Variants in MYH10 observed in about 807,000 individuals in gnomAD.
MYH10 encodes myosin heavy chain 10, also known as myosin-10.
A neutral mutation model predicts 257.8 loss-of-function variants in MYH10; 55 were observed. The observed-to-expected ratio is 0.21, with a 90% CI of 0.17 to 0.27. The LOEUF (loss-of-function observed/expected upper bound fraction) is 0.27. Ranked by LOEUF, MYH10 falls within the 10% of genes least tolerant of loss-of-function variation. The pLI is 1.00. For synonymous variants in MYH10, 854 were observed against 921.7 expected, an observed-to-expected ratio of 0.93 and a Z score of 1.33; for missense variants, 1,631 against 2,500.6, an observed-to-expected ratio of 0.65 and a Z score of 7.42.
At position 8,551,003 on chromosome 17, in the gene MYH10, C is replaced by T. The variant is rs375955178; in HGVS notation, c.919+1043G>A. Among the ~76,000 whole-genome samples the T allele has an allele frequency of 1.8e-4, 27 of 151,282 alleles. No individual in the cohort carries two copies. In the East Asian group the frequency reaches 4.5e-3, roughly 25 times the overall value. ...CAAGTACCCAGGGACACAAACACTG[C>T]GGAAGGCCGCAGGGTCCTCTGCCTA... On this transcript the variant is annotated intron_variant, in intron 9 of 42. Coordinates refer to ENST00000360416, the MANE Select transcript of MYH10 (RefSeq NM_001256012.3).
chr17:8,617,853 T>C lies in MYH10; in HGVS notation c.345+5049A>G, dbSNP rs2085326493. On this transcript the variant is annotated intron_variant, in intron 2 of 42. Transcript: ENST00000360416. ...AGCCTTTTTGCACTCTTAGAAATTA[T>C]TAAGGACCCCAAAGACCTTTTGTTT... Among the ~76,000 whole-genome samples the C allele has an allele frequency of 2.6e-5, 4 of 152,314 alleles. No homozygotes were observed. The South Asian group carries it at 8.3e-4, about 32-fold the overall frequency.
Position 8,535,764 on chromosome 17 carries a change from T to C in MYH10, c.1773A>G (p.Ala591=). The C allele has an allele frequency of 6.2e-7, 1 of 1,613,638 alleles. No homozygotes were observed. Among genetic ancestry groups the C allele is most frequent in the Non-Finnish European group, 8.5e-7 (1 of 1,179,740 alleles). Residue 591 remains alanine, a synonymous_variant, in exon 15 of 43, where the codon GCA becomes GCG. Transcript: ENST00000360416. This position sits in a 1 kb window ranked among gnomAD's most constrained non-coding sequence, Gnocchi z 4.3. ...TCAACATAAGAGCTCTTACCTTCCC[T>C]GCATAATGTATAATGCAAAAATCAG... The part of the protein sequence containing the change: ...DKADFCIIHY[A]GKVDYKADEW...
At chr17:8,486,136 A>G (rs1914722962) in intron 36 of MYH10, among the ~76,000 whole-genome samples, 1 of 152,218 alleles carries the variant, frequency 6.6e-6, no homozygotes, top group East Asian at 1.9e-4. Flanking sequence ...ATTTATAGAG[A>G]CTGAAAGATT....
In MYH10 at chr17:8,479,995, TTA is replaced by T. The variant is rs559461425; in HGVS notation, c.5597+113_5597+114del. 3.7e-4 allele frequency: 355 copies of T among 960,294 alleles called. 3 individuals carry two copies. In the East Asian group the frequency reaches 7.3e-3, roughly 20 times the overall value. The allele number at this position is 960,294 out of a possible 1,614,324, so 59.5% of individuals were successfully genotyped here. On this transcript the variant is annotated intron_variant, in intron 40 of 42. Transcript: ENST00000360416. ...CACCAACTTCTGTGTCCCACTCTGG[TTA>T]TATGTGTTCTCTGCCCACGTGGTGG...
At chr17:8,499,983 A>T (rs1917262921) in intron 29 of MYH10, among the ~76,000 whole-genome samples, 2 of 152,100 alleles carry the variant, frequency 1.3e-5, no homozygotes, top group East Asian at 3.9e-4. Context: ...CAGCTGTGTG[A>T]CCCTGGCTTA....
intron 16 of MYH10, among the ~76,000 whole-genome samples, chr17:8,533,855 GGA>G (rs896757066): frequency 2.2e-4 from 34 of 152,084 alleles, no homozygotes; most frequent in African/African-American, 8.2e-4. Flanking sequence ...CTGAACATGG[GGA>G]GACTTTGTAA....
Position 8,495,196 on chromosome 17 carries a change from T to C in MYH10, c.3997A>G (p.Lys1333Glu). The C allele has an allele frequency of 1.2e-6, 2 of 1,613,622 alleles. No individual in the cohort carries two copies. Among genetic ancestry groups the C allele is most frequent in the Non-Finnish European group, 1.7e-6 (2 of 1,179,604 alleles). ...VSTLLEEAEK[K>E]GIKFAKDAAS... Reference sequence around the variant, plus strand: ...GCATCCTTAGCAAATTTAATACCCTTCTTCTCTGCTTCTTCCAGAAGGGTG... The same window carrying C: ...GCATCCTTAGCAAATTTAATACCCTCCTTCTCTGCTTCTTCCAGAAGGGTG... Residue 1333 changes from lysine to glutamate, a missense_variant, in exon 31 of 43, where the codon AAG (lysine) becomes GAG (glutamate). By Grantham distance (56) the Lys-to-Glu change is moderately conservative. Around this residue, in one of 11 missense-constraint regions of MYH10, gnomAD observed 463 missense variants for 621.8 expected, o/e 0.74. Coordinates refer to ENST00000360416, the MANE Select transcript of MYH10 (RefSeq NM_001256012.3).
chr17:8,581,587 T>C (rs2083707625), intron 4 of MYH10, among the ~76,000 whole-genome samples: 1 of 152,150 alleles, frequency 6.6e-6, no homozygotes. Context: ...CTATAGAAAA[T>C]ATGGCTTCAA....
Position 8,520,969 on chromosome 17 carries a change from C to T in MYH10, c.2182G>A (p.Asp728Asn). ...AGKLDPHLVL[D>N]QLRCNGVLEG... ...AGGACACCGTTACAGCGAAGCTGAT[C>T]TAGGACTAGGTGTGGATCCAATTTT... Residue 728 changes from aspartate to asparagine, a missense_variant, in exon 19 of 43, where the codon GAT becomes AAT. Around this residue, in one of 11 missense-constraint regions of MYH10, gnomAD observed 7 missense variants for 46.7 expected, o/e 0.15. Transcript: ENST00000360416. 6.2e-7 allele frequency: 1 copy of T among 1,613,396 alleles called. No homozygotes were observed. The highest frequency in any genetic ancestry group is 1.1e-5 in the South Asian group (1 of 91,036).
chr17:8,603,957 T>G (rs7218154), intron 3 of MYH10, among the ~76,000 whole-genome samples: 4,451 of 152,224 alleles, frequency 0.029, 230 homozygotes, highest in African/African-American at 0.1. Context: ...AAGTAGGACG[T>G]GGGTATTGTA....
intron 2 of MYH10, among the ~76,000 whole-genome samples, chr17:8,615,275 C>T (rs1016926243): frequency 2.7e-5 from 4 of 150,414 alleles, no homozygotes; most frequent in Admixed American, 1.3e-4. Context: ...GAGAACCTAT[C>T]TCAAAAAAAA....
At chr17:8,574,037 TA>T (rs1472533108) in intron 6 of MYH10, among the ~76,000 whole-genome samples, 1 of 152,174 alleles carries the variant, frequency 6.6e-6, no homozygotes, top group African/African-American at 2.4e-5. Flanking sequence ...GGTAGCTACC[TA>T]AGAAAAATGA....
In MYH10 at chr17:8,569,568, T is replaced by C; in HGVS notation, c.756+152A>G. 2.0e-6 allele frequency: 1 copy of C among 495,536 alleles called. No homozygotes were observed. The highest frequency in any genetic ancestry group is 3.4e-6 in the Non-Finnish European group (1 of 296,518). 30.7% of individuals were successfully genotyped at this position (495,536 alleles called of 1,614,324 possible). ...TTTTCAAATGTGACTACTAGAAAATTTAAAATTACATGTGAGCTTGTATTA... is the reference window on the plus strand; with the variant it reads ...TTTTCAAATGTGACTACTAGAAAATCTAAAATTACATGTGAGCTTGTATTA... On this transcript the variant is annotated intron_variant, in intron 7 of 42. Coordinates refer to ENST00000360416, the MANE Select transcript of MYH10 (RefSeq NM_001256012.3). This position sits in a 1 kb window ranked among gnomAD's most constrained non-coding sequence, Gnocchi z 4.1.
At chr17:8,595,425 CTTTTT>C (rs10664342) in intron 3 of MYH10, among the ~76,000 whole-genome samples, 2 of 84,184 alleles carry the variant, frequency 2.4e-5, no homozygotes, top group East Asian at 3.6e-4. Context: ...AAGAACAGTT[CTTTTT>C]TTTTTTTTTT....
chr17:8,519,464 A>T (rs2081579218), intron 19 of MYH10, among the ~76,000 whole-genome samples: 1 of 152,122 alleles, frequency 6.6e-6, no homozygotes, highest in South Asian at 2.1e-4. Context: ...TGCACATTTA[A>T]AATCTGTGTA....
chr17:8,627,493 G>A lies in MYH10; in HGVS notation c.-32+3161C>T, dbSNP rs574207032. The stretch of plus-strand genomic sequence containing the variant: ...TCCTAACATTTTGTACTGTTCTCCT[G>A]ACTTTCTTCTTACCCTACCCTGCGT... On this transcript the variant is annotated intron_variant, in intron 1 of 42. Coordinates refer to ENST00000360416, the MANE Select transcript of MYH10 (RefSeq NM_001256012.3). Among the ~76,000 whole-genome samples, 64 of 152,266 alleles carry A rather than the reference G, an allele frequency of 4.2e-4. 1 individual carries two copies. Among genetic ancestry groups the A allele is most frequent in the African/African-American group, 1.4e-3 (58 of 41,544 alleles).
rs1240825835 is a variant in MYH10, at chr17:8,496,214, G to A, written c.3952-973C>T. Among the ~76,000 whole-genome samples the A allele has an allele frequency of 2.0e-5, 3 of 152,256 alleles. No homozygotes were observed. The East Asian group carries it at 5.8e-4, about 29-fold the overall frequency. On this transcript the variant is annotated intron_variant, in intron 30 of 42. Transcript: ENST00000360416. ...TGCTGGGAAGACGCAGAGGGACGCA[G>A]AGGGGCAGCAGGGCGCCGTGCGTTC...
chr17:8,521,671 G>A (rs2081660118), intron 17 of MYH10, among the ~76,000 whole-genome samples: 1 of 152,134 alleles, frequency 6.6e-6, no homozygotes, highest in African/African-American at 2.4e-5. Flanking sequence ...AATAGGAAAT[G>A]GCTCATAAAA....
rs2083531772 is a variant in MYH10 at position 8,577,245 on chromosome 17, A to G, written c.624T>C (p.His208=). Residue 208 remains histidine, a synonymous_variant, in exon 5 of 43, where the codon CAT becomes CAC. Transcript: ENST00000360416. ...VASSHKGRKD[H]NIPQESPKPV... is the part of the protein sequence containing the mutation. ...CAGAGCAGAAACTTACAGGAATATT[A>G]TGGTCCTTTCTTCCTTTATGTGAAG... 4 of 1,606,334 alleles carry G rather than the reference A, an allele frequency of 2.5e-6. No homozygotes were observed. Among genetic ancestry groups the G allele is most frequent in the Non-Finnish European group, 2.6e-6 (3 of 1,174,220 alleles).
Sources: allele counts gnomAD v4.1 joint callset (sites outside exome capture counted in the v4.1 genomes callset), GRCh38; gene constraint gnomAD v4.1.1; regional missense constraint gnomAD v4.1.1; non-coding constraint Gnocchi (gnomAD v3.1); transcripts MANE v1.5; gene names NCBI Gene and HGNC (gene_info 2026-07-23, HGNC 2026-07-21).